Variants in SLC49A4 observed in about 807,000 individuals in gnomAD.
SLC49A4 encodes disrupted in renal cancer protein 2.
SLC49A4 carries 36 observed loss-of-function variants against 50.6 expected under a neutral mutation model. The observed-to-expected ratio is 0.71, with a 90% confidence interval of 0.55 to 0.94. SLC49A4 has a LOEUF of 0.94. SLC49A4 is among the 40% of genes least tolerant of loss of function. The pLI, the probability that SLC49A4 is intolerant of heterozygous loss-of-function variation, is 0.00. For synonymous variants in SLC49A4, 248 were observed against 241.2 expected, an observed-to-expected ratio of 1.03 and a Z score of -0.26; for missense variants, 503 against 605.7, an observed-to-expected ratio of 0.83 and a Z score of 1.78.
intron 2 of SLC49A4, among the ~76,000 whole-genome samples, chr3:122,807,882 A>C (rs949301343): frequency 6.6e-6 from 1 of 152,072 alleles, no homozygotes; most frequent in African/African-American, 2.4e-5. Context: ...ATAGTGGAAA[A>C]CCCCTTAGGC....
At chr3:122,860,977 C>T (rs1937052277) in intron 7 of SLC49A4, among the ~76,000 whole-genome samples, 1 of 152,134 alleles carries the variant, frequency 6.6e-6, no homozygotes, top group Admixed American at 6.5e-5. Context: ...TGGCTCTGTC[C>T]TCTGCCTTCA....
chr3:122,878,916 T>C (rs1937298884), intron 8 of SLC49A4, among the ~76,000 whole-genome samples: 2 of 152,322 alleles, frequency 1.3e-5, no homozygotes, highest in Middle Eastern at 3.4e-3. Flanking sequence ...ACAAGAGTGA[T>C]GATGATAGAG....
chr3:122,851,939 G>T (rs890276638), intron 5 of SLC49A4, among the ~76,000 whole-genome samples: 1 of 149,026 alleles, frequency 6.7e-6, no homozygotes. Flanking sequence ...TGTCAAATAT[G>T]CTATTAAATT....
At chr3:122,841,715 G>T (rs755241526) in intron 4 of SLC49A4, among the ~76,000 whole-genome samples, 3 of 152,170 alleles carry the variant, frequency 2.0e-5, no homozygotes, top group Non-Finnish European at 2.9e-5. Context: ...ATTCAGTGAG[G>T]TGACAGCCAT....
intron 5 of SLC49A4, among the ~76,000 whole-genome samples, chr3:122,851,627 A>T (rs941948173): frequency 6.6e-6 from 1 of 151,982 alleles, no homozygotes; most frequent in African/African-American, 2.4e-5. Flanking sequence ...TTCTAAATTT[A>T]TTCTACTTGA....
At chr3:122,799,689 G>C (rs964912470) in intron 1 of SLC49A4, among the ~76,000 whole-genome samples, 1 of 152,214 alleles carries the variant, frequency 6.6e-6, no homozygotes, top group Non-Finnish European at 1.5e-5. Flanking sequence ...AGACAAGTTA[G>C]GCTAGTAGAA....
At chr3:122,844,344 A>G (rs1211451019) in intron 4 of SLC49A4, among the ~76,000 whole-genome samples, 1 of 152,174 alleles carries the variant, frequency 6.6e-6, no homozygotes, top group Non-Finnish European at 1.5e-5. Flanking sequence ...AAGTGCTGAG[A>G]TTACAGGCAT....
intron 2 of SLC49A4, among the ~76,000 whole-genome samples, chr3:122,824,898 A>G (rs1936505668): frequency 6.6e-6 from 1 of 151,230 alleles, no homozygotes; most frequent in Admixed American, 6.6e-5. Flanking sequence ...ATGCCCAGCT[A>G]ATTTTTGTAT....
Position 122,879,135 on chromosome 3 carries a change from T to G in SLC49A4, c.1322-128T>G, listed in dbSNP as rs909752751. 1.0e-5 allele frequency: 7 copies of G among 685,270 alleles called. No individual in the cohort carries two copies. In the East Asian group the frequency reaches 1.5e-4, roughly 15 times the overall value. The allele number at this position is 685,270 out of a possible 1,614,324, so 42.4% of individuals were successfully genotyped here. A position where few individuals can be genotyped will look rare whatever the true frequency, so the allele number is the denominator to read the frequency against. On this transcript the variant is annotated intron_variant, in intron 8 of 8. Coordinates refer to ENST00000261038, the MANE Select transcript of SLC49A4 (RefSeq NM_032839.3). ...TTGTCACTATTTATTGAAAGCCAGT[T>G]TCTAGGCCTTCCAGGGTACATTTAT... is the stretch of plus-strand genomic sequence containing the variant.
chr3:122,852,344 C>G (rs1318426611), intron 5 of SLC49A4, among the ~76,000 whole-genome samples: 1 of 152,076 alleles, frequency 6.6e-6, no homozygotes, highest in Non-Finnish European at 1.5e-5. Flanking sequence ...TGCTTGATAT[C>G]TTATTTTTTT....
intron 5 of SLC49A4, among the ~76,000 whole-genome samples, chr3:122,855,652 G>A (rs1299046092): frequency 1.3e-5 from 2 of 152,070 alleles, no homozygotes; most frequent in East Asian, 1.9e-4. Flanking sequence ...AGATGGAGAC[G>A]CCTCATCAGT....
chr3:122,808,330 G>A (rs1936252096), intron 2 of SLC49A4, among the ~76,000 whole-genome samples: 1 of 152,090 alleles, frequency 6.6e-6, no homozygotes, highest in Non-Finnish European at 1.5e-5. Flanking sequence ...AACAAAATAG[G>A]AAAGAAGGAT....
chr3:122,833,464 C>A lies in SLC49A4; in HGVS notation c.833+18C>A. On this transcript the variant is annotated intron_variant, in intron 4 of 8. Coordinates refer to ENST00000261038, the MANE Select transcript of SLC49A4 (RefSeq NM_032839.3). ...TTATTAAGGTAAATATACTGAGAGT[C>A]ACTGGATGGCTTTGACTGACACCTT... 1.2e-6 allele frequency: 2 copies of A among 1,604,856 alleles called. No individual in the cohort carries two copies. Among genetic ancestry groups the A allele is most frequent in the South Asian group, 1.1e-5 (1 of 89,850 alleles).
At position 122,795,150 on chromosome 3, in the gene SLC49A4, C is replaced by T. The variant is rs749399441; in HGVS notation, c.-43C>T. 6 of 1,305,820 alleles carry T rather than the reference C, an allele frequency of 4.6e-6. No individual in the cohort carries two copies. The highest frequency in any genetic ancestry group is 1.5e-5 in the African/African-American group (1 of 64,568). The allele number at this position is 1,305,820 out of a possible 1,614,324, so 80.9% of individuals were successfully genotyped here. On this transcript the variant is annotated 5_prime_UTR_variant, in exon 1 of 9. Coordinates refer to ENST00000261038, the MANE Select transcript of SLC49A4 (RefSeq NM_032839.3). ...TCTGCGCTGGGCTAGTCGGCGGTGACCCGGACTGCGCCCGGCAGTGGCTTC... is the reference window on the plus strand; with the variant it reads ...TCTGCGCTGGGCTAGTCGGCGGTGATCCGGACTGCGCCCGGCAGTGGCTTC...
chr3:122,865,479 G>A (rs539953676), intron 7 of SLC49A4, among the ~76,000 whole-genome samples: 2 of 152,190 alleles, frequency 1.3e-5, no homozygotes, highest in African/African-American at 4.8e-5. Context: ...TTTTTAGGAA[G>A]AAATGTGATG....
chr3:122,805,116 T>A (rs906754416), intron 1 of SLC49A4, among the ~76,000 whole-genome samples: 2 of 152,172 alleles, frequency 1.3e-5, no homozygotes, highest in Admixed American at 6.5e-5. Flanking sequence ...CATTTTGTGA[T>A]TTTAGGATAT....
intron 7 of SLC49A4, among the ~76,000 whole-genome samples, chr3:122,862,200 G>A (rs1419226450): frequency 1.3e-5 from 2 of 152,096 alleles, no homozygotes; most frequent in Non-Finnish European, 2.9e-5. Context: ...CTACTAAATT[G>A]TTAGGATATA....
At chr3:122,809,684 A>T (rs1268936402) in intron 2 of SLC49A4, among the ~76,000 whole-genome samples, 1 of 152,220 alleles carries the variant, frequency 6.6e-6, no homozygotes, top group African/African-American at 2.4e-5. Flanking sequence ...AATAGAGTTG[A>T]CCCTCCATCT....
chr3:122,806,923 C>T lies in SLC49A4; in HGVS notation c.410C>T (p.Pro137Leu). The change falls in exon 2 of 9, where the codon CCT becomes CTT. Residue 137 changes from proline (P) to leucine (L), a missense_variant. Transcript: ENST00000261038. ...TTGGGAACTGGTCTAAGATGCATAC[C>T]TATATCAGACTTAATCCTTAAAAGA... ...MVLGTGLRCI[P>L]ISDLILKRRL... The T allele has an allele frequency of 6.2e-7, 1 of 1,600,492 alleles. No homozygotes were observed. The highest frequency in any genetic ancestry group is 8.6e-7 in the Non-Finnish European group (1 of 1,168,576).
Sources: gnomAD v4.1 joint callset for allele counts (sites outside exome capture counted in the v4.1 genomes callset) on GRCh38, gnomAD v4.1.1 for gene constraint, MANE v1.5 for transcripts, NCBI Gene and HGNC (gene_info 2026-07-23, HGNC 2026-07-21) for gene names.